POLR2F: variants seen among roughly 807,000 people sequenced by gnomAD.
POLR2F encodes RNA polymerase II, I and III subunit F.
POLR2F carries 12 observed loss-of-function variants against 22.7 expected under a neutral mutation model. That is an observed-to-expected ratio of 0.53 (90% CI 0.34 to 0.86). The LOEUF (loss-of-function observed/expected upper bound fraction) is 0.86, where lower values mean the gene tolerates loss of function less well. POLR2F is among the 40% of genes least tolerant of loss of function. The pLI, the probability that POLR2F is intolerant of heterozygous loss-of-function variation, is 0.02. For missense variants in POLR2F, 126 were observed against 171.5 expected (o/e 0.73, Z 1.48); for synonymous variants, 57 against 66.0 (o/e 0.86, Z 0.66).
chr22:37,982,302 C>T (rs1267627037), upstream of POLR2F, among the ~76,000 whole-genome samples: 1 of 152,146 alleles, frequency 6.6e-6, no homozygotes, highest in African/African-American at 2.4e-5. Flanking sequence ...CTGGGCCTGT[C>T]TCTTGGTCAG....
At chr22:38,015,908 G>T (rs779883190) in intron 1 of POLR2F, among the ~76,000 whole-genome samples, 1 of 152,064 alleles carries the variant, frequency 6.6e-6, no homozygotes, top group East Asian at 1.9e-4. Flanking sequence ...CATAAGTGGC[G>T]GTGGGGGTGC....
downstream of POLR2F, chr22:38,041,362 G>A (rs900531885): frequency 4.0e-6 from 2 of 498,288 alleles, no homozygotes; most frequent in South Asian, 3.2e-5. Flanking sequence ...AGACAGGCTT[G>A]GGGAGGGACT....
downstream of POLR2F, among the ~76,000 whole-genome samples, chr22:37,970,166 C>T (rs558585504): frequency 6.6e-5 from 10 of 151,978 alleles, no homozygotes; most frequent in African/African-American, 1.2e-4. Context: ...TGGTGGCGGG[C>T]GCCTGTAATC....
chr22:37,968,508 C>T lies in POLR2F; in HGVS notation c.*793C>T. The T allele has an allele frequency of 1.0e-6, 1 of 985,910 alleles. No individual in the cohort carries two copies. The highest frequency in any genetic ancestry group is 1.2e-6 in the Non-Finnish European group (1 of 830,312). 61.1% of individuals were successfully genotyped at this position (985,910 alleles called of 1,614,324 possible). On this transcript the variant is annotated 3_prime_UTR_variant, in exon 5 of 5. Transcript: ENST00000442738. The stretch of plus-strand genomic sequence containing the variant: ...GACATGGTGCTGGGGTGGTGGTGCT[C>T]CTGGGTTCCAGGTGTTACATTAAGT...
chr22:37,958,355 A>AT (rs59671131), intron 2 of POLR2F: 1,474 of 142,196 alleles, frequency 0.01, 20 homozygotes, highest in African/African-American at 0.029. Context: ...CGCCCGGCTA[A>AT]TTTTTTTTTT....
In POLR2F at chr22:37,980,825, TTGC is replaced by T. The variant is rs1169990764; in HGVS notation, c.293+13660_293+13662del. Among the ~76,000 whole-genome samples the T allele has an allele frequency of 6.6e-6, 1 of 152,236 alleles. No homozygotes were observed. The highest frequency in any genetic ancestry group is 1.5e-5 in the Non-Finnish European group (1 of 68,054). The stretch of plus-strand genomic sequence containing the variant: ...GGGACCTCCCACAGTGGGGCACTGA[TTGC>T]TGCTACCTGTGTCCTGCTAGGCCAG... On this transcript the variant is annotated intron_variant, in intron 4 of 4. Transcript: ENST00000405557. The surrounding 1 kb of genome is among the most constrained non-coding windows in gnomAD (Gnocchi z 4.1).
At chr22:38,010,141 G>A (rs1440400422) in intron 1 of POLR2F, among the ~76,000 whole-genome samples, 2 of 152,162 alleles carry the variant, frequency 1.3e-5, no homozygotes, top group African/African-American at 4.8e-5. Context: ...TTGAGAGGCT[G>A]AGGTGAGAGG....
Position 37,986,884 on chromosome 22 carries a change from G to A in POLR2F, c.120+572G>A, listed in dbSNP as rs1436480312. On this transcript the variant is annotated intron_variant, in intron 1 of 2. Transcript: ENST00000333418. This position sits in a 1 kb window ranked among gnomAD's most constrained non-coding sequence, Gnocchi z 4.7. ...AAGGACCCATAGTCATTCCTGAAGA[G>A]CAGGGAGCTTGGAGAGGGGAGGGAT... is the stretch of plus-strand genomic sequence containing the variant. 8.9e-6 allele frequency: 4 copies of A among 451,388 alleles called. No homozygotes were observed. The highest frequency in any genetic ancestry group is 7.0e-5 in the East Asian group (1 of 14,240). 28.0% of individuals were successfully genotyped at this position (451,388 alleles called of 1,614,324 possible).
downstream of POLR2F, chr22:37,973,966 C>T (rs757748507): frequency 5.0e-6 from 8 of 1,611,994 alleles, no homozygotes; most frequent in South Asian, 8.8e-5. Flanking sequence ...AGTAGCTGCT[C>T]ACATGGCCTG....
intron 3 of POLR2F, among the ~76,000 whole-genome samples, chr22:37,966,652 T>G (rs1569164832): frequency 6.6e-6 from 1 of 151,978 alleles, no homozygotes; most frequent in East Asian, 1.9e-4. Flanking sequence ...GCTGGTGGTG[T>G]ATGCCTGTAG....
intron 4 of POLR2F, chr22:37,977,791 T>A: frequency 6.8e-7 from 1 of 1,476,610 alleles, no homozygotes; most frequent in African/African-American, 1.4e-5. Flanking sequence ...GAGTCCAGGG[T>A]CTCATTGCCA....
downstream of POLR2F, among the ~76,000 whole-genome samples, chr22:37,969,756 A>G (rs1242915942): frequency 1.3e-5 from 2 of 152,238 alleles, no homozygotes; most frequent in African/African-American, 4.8e-5. Context: ...AGGTCCCTCC[A>G]TGTTTAAAAG....
At chr22:38,038,986 GC>G (rs113767531) in intron 5 of POLR2F, among the ~76,000 whole-genome samples, 2 of 152,240 alleles carry the variant, frequency 1.3e-5, no homozygotes, top group African/African-American at 4.8e-5. Context: ...CCCACCTTGC[GC>G]CCCCCAGGGA....
At chr22:37,956,868 C>G in intron 2 of POLR2F, 26 bp downstream of exon 2, 1 of 1,566,232 alleles carries the variant, frequency 6.4e-7, no homozygotes. Flanking sequence ...CAGGCTCCCA[C>G]CTCTGCAGCC....
intron 1 of POLR2F, among the ~76,000 whole-genome samples, chr22:38,020,204 T>TACACAC (rs1336670749): frequency 2.7e-4 from 25 of 91,060 alleles, no homozygotes; most frequent in South Asian, 3.9e-4. Flanking sequence ...CACACACATA[T>TACACAC]ATACACACAC....
chr22:38,040,764 G>T, intron 5 of POLR2F: 2 of 456,470 alleles, frequency 4.4e-6, no homozygotes, highest in Middle Eastern at 5.9e-4. Flanking sequence ...GTGAACGAGG[G>T]CACTGGCACC....
chr22:38,008,524 G>C (rs963742556), intron 1 of POLR2F, among the ~76,000 whole-genome samples: 2 of 150,474 alleles, frequency 1.3e-5, no homozygotes, highest in Non-Finnish European at 3.0e-5. Context: ...CAGCCTAGGT[G>C]ACAGAGAGAG....
At chr22:37,999,223 T>G (rs1601898818) in intron 1 of POLR2F, among the ~76,000 whole-genome samples, 1 of 151,894 alleles carries the variant, frequency 6.6e-6, no homozygotes, top group Non-Finnish European at 1.5e-5. Flanking sequence ...CAGCCTGGGG[T>G]CCTGAGTTGT....
chr22:38,021,170 A>G (rs968871711), intron 1 of POLR2F, among the ~76,000 whole-genome samples: 1 of 152,180 alleles, frequency 6.6e-6, no homozygotes, highest in Non-Finnish European at 1.5e-5. Context: ...TGGCTGGGGA[A>G]GGCACCAGGA....
Sources: gnomAD v4.1 joint callset for allele counts (sites outside exome capture counted in the v4.1 genomes callset) on GRCh38, gnomAD v4.1.1 for gene constraint, Gnocchi (gnomAD v3.1) non-coding constraint, MANE v1.5 for transcripts, NCBI Gene and HGNC (gene_info 2026-07-23, HGNC 2026-07-21) for gene names.